The following NDFIP2 variants were observed in gnomAD, a reference collection of about 807,000 sequenced individuals.
NDFIP2 encodes the protein Nedd4 family interacting protein 2, also known as NEDD4 family-interacting protein 2.
A neutral mutation model predicts 36.0 loss-of-function variants in NDFIP2; 19 were observed. The ratio of observed to expected loss-of-function variants is 0.53; its 90% CI spans 0.37 to 0.77. NDFIP2 has a LOEUF of 0.77. Among genes scored for constraint, NDFIP2 ranks in the 30% least tolerant of loss-of-function variants. The probability of loss-of-function intolerance (pLI) is 0.00; values close to 1 mark genes in which losing one functional copy is unlikely to be tolerated. For synonymous variants in NDFIP2, 181 were observed against 167.7 expected, an observed-to-expected ratio of 1.08 and a Z score of -0.61; for missense variants, 446 against 435.8, an observed-to-expected ratio of 1.02 and a Z score of -0.21.
At chr13:79,493,621 G>T (rs1315224675) in intron 1 of NDFIP2, among the ~76,000 whole-genome samples, 1 of 152,138 alleles carries the variant, frequency 6.6e-6, no homozygotes, top group Non-Finnish European at 1.5e-5. Context: ...TCAAGGTTAT[G>T]CAGGAAAGCT....
At chr13:79,545,986 C>G (rs768684007) in intron 5 of NDFIP2, among the ~76,000 whole-genome samples, 1 of 152,174 alleles carries the variant, frequency 6.6e-6, no homozygotes, top group Non-Finnish European at 1.5e-5. Context: ...CCTTGGCCTC[C>G]CAAAGTGCTA....
At chr13:79,484,669 A>G (rs887535621) in intron 1 of NDFIP2, among the ~76,000 whole-genome samples, 5 of 152,206 alleles carry the variant, frequency 3.3e-5, no homozygotes, top group African/African-American at 1.2e-4. Flanking sequence ...TTCATTCTAC[A>G]AAGATCTGAG....
intron 1 of NDFIP2, among the ~76,000 whole-genome samples, chr13:79,507,122 AG>A (rs1437891774): frequency 4.6e-5 from 7 of 152,224 alleles, no homozygotes; most frequent in African/African-American, 1.7e-4. Flanking sequence ...TTGCTTTTTT[AG>A]GGCATATAAT....
At chr13:79,543,820 A>G in intron 5 of NDFIP2, 138 bp downstream of exon 5, 3 of 1,071,728 alleles carry the variant, frequency 2.8e-6, no homozygotes, top group Non-Finnish European at 4.0e-6. Flanking sequence ...ATACTTAATC[A>G]TTATAGTGAG....
At chr13:79,526,322 A>G (rs1271875087) in intron 2 of NDFIP2, among the ~76,000 whole-genome samples, 5 of 152,220 alleles carry the variant, frequency 3.3e-5, no homozygotes, top group Admixed American at 2.6e-4. Flanking sequence ...TCAAATAGGC[A>G]GTCAAGTGAT....
chr13:79,509,469 T>A (rs1388566570), intron 1 of NDFIP2, among the ~76,000 whole-genome samples: 2 of 152,138 alleles, frequency 1.3e-5, no homozygotes, highest in Non-Finnish European at 2.9e-5. Context: ...AGAGAATAGA[T>A]TATAAATGCT....
At chr13:79,531,925 T>A (rs760682404) in intron 2 of NDFIP2, among the ~76,000 whole-genome samples, 1 of 152,248 alleles carries the variant, frequency 6.6e-6, no homozygotes, top group Non-Finnish European at 1.5e-5. Context: ...GAGCAAGAGG[T>A]CTGGCTTTCG....
At chr13:79,546,717 T>C (rs900449643) in intron 5 of NDFIP2, among the ~76,000 whole-genome samples, 5 of 152,150 alleles carry the variant, frequency 3.3e-5, no homozygotes, top group Non-Finnish European at 4.4e-5. Flanking sequence ...TAAGAACTAG[T>C]TTTATGGTAA....
chr13:79,536,865 A>G (rs1054210011), intron 3 of NDFIP2, among the ~76,000 whole-genome samples: 1 of 151,758 alleles, frequency 6.6e-6, no homozygotes, highest in African/African-American at 2.4e-5. Flanking sequence ...TTCCACTAAA[A>G]AGAAAAAAAA....
At chr13:79,485,059 T>C (rs532425605) in intron 1 of NDFIP2, among the ~76,000 whole-genome samples, 1 of 152,304 alleles carries the variant, frequency 6.6e-6, no homozygotes, top group Admixed American at 6.5e-5. Context: ...TCATTACTCA[T>C]GACATAGCAA....
chr13:79,518,647 G>A (rs1874444607), intron 1 of NDFIP2, among the ~76,000 whole-genome samples: 1 of 152,182 alleles, frequency 6.6e-6, no homozygotes, highest in East Asian at 1.9e-4. Flanking sequence ...CCTTCAGTGT[G>A]TTGGTTGTTA....
intron 1 of NDFIP2, among the ~76,000 whole-genome samples, chr13:79,488,055 A>G (rs1156588002): frequency 2.6e-5 from 4 of 152,276 alleles, no homozygotes; most frequent in Admixed American, 2.0e-4. Context: ...CTAACCTTCT[A>G]GACTACTGCT....
chr13:79,536,270 T>G (rs1032866139), intron 3 of NDFIP2, among the ~76,000 whole-genome samples: 21 of 152,216 alleles, frequency 1.4e-4, no homozygotes, highest in African/African-American at 5.1e-4. Context: ...TTGTAACTTG[T>G]TTTAAATTGT....
At chr13:79,534,350 GTTTTTTTTTTT>G (rs532659161) in intron 3 of NDFIP2, among the ~76,000 whole-genome samples, 1 of 95,406 alleles carries the variant, frequency 1.0e-5, no homozygotes, top group Non-Finnish European at 1.9e-5. Context: ...TTTGTCAGCT[GTTTTTTTTTTT>G]TTTTTTTTTT....
At chr13:79,507,698 C>T (rs1175750091) in intron 1 of NDFIP2, among the ~76,000 whole-genome samples, 1 of 151,956 alleles carries the variant, frequency 6.6e-6, no homozygotes, top group African/African-American at 2.4e-5. Context: ...TACAACTTGT[C>T]AGGATCAACT....
chr13:79,491,198 A>G (rs1433604470), intron 1 of NDFIP2, among the ~76,000 whole-genome samples: 9 of 152,176 alleles, frequency 5.9e-5, no homozygotes, highest in African/African-American at 2.2e-4. Context: ...ATATCTTTCC[A>G]TACCTGCCAT....
intron 2 of NDFIP2, 99 bp from the exon 3 acceptor site, chr13:79,533,224 A>T: frequency 1.1e-6 from 1 of 951,228 alleles, no homozygotes; most frequent in Non-Finnish European, 1.5e-6. Flanking sequence ...TAGCAATAGT[A>T]GTCCTGTATT....
chr13:79,506,721 A>G (rs745558367), intron 1 of NDFIP2, among the ~76,000 whole-genome samples: 12 of 152,174 alleles, frequency 7.9e-5, no homozygotes, highest in Non-Finnish European at 1.5e-4. Flanking sequence ...GTAATAACCT[A>G]TGTTAACATT....
chr13:79,542,351 T>C (rs1875487844), intron 4 of NDFIP2, among the ~76,000 whole-genome samples: 1 of 152,018 alleles, frequency 6.6e-6, no homozygotes. Context: ...ATTAGAAGGG[T>C]GTTTTGAAAT....
Sources: allele counts gnomAD v4.1 joint callset (sites outside exome capture counted in the v4.1 genomes callset), GRCh38; gene constraint gnomAD v4.1.1; transcripts MANE v1.5; gene names NCBI Gene and HGNC (gene_info 2026-07-23, HGNC 2026-07-21).